Variants in MAPKAP1 observed in about 807,000 individuals in gnomAD.
The protein encoded by MAPKAP1 is target of rapamycin complex 2 subunit MAPKAP1.
A neutral mutation model predicts 65.7 loss-of-function variants in MAPKAP1; 20 were observed. That is an observed-to-expected ratio of 0.30 (90% CI 0.21 to 0.44). The LOEUF (loss-of-function observed/expected upper bound fraction) is 0.44, where lower values mean the gene tolerates loss of function less well. Ranked by LOEUF, MAPKAP1 falls within the 20% of genes least tolerant of loss-of-function variation. The pLI is 1.00. For missense variants in MAPKAP1, 423 were observed against 648.0 expected, an observed-to-expected ratio of 0.65 and a Z score of 3.77; for synonymous variants, 222 against 244.3, an observed-to-expected ratio of 0.91 and a Z score of 0.85.
intron 9 of MAPKAP1, among the ~76,000 whole-genome samples, chr9:125,474,936 T>G (rs77151365): frequency 0.013 from 1,927 of 152,072 alleles, 48 homozygotes; most frequent in African/African-American, 0.044. Context: ...CCCAAGGGAG[T>G]GCCACTGAAC....
At chr9:125,511,100 T>C (rs1299192062) in intron 7 of MAPKAP1, among the ~76,000 whole-genome samples, 1 of 152,208 alleles carries the variant, frequency 6.6e-6, no homozygotes. Context: ...CTAATAGTTG[T>C]AAGGCAGTTG....
At chr9:125,675,985 A>C (rs1435273206) in intron 1 of MAPKAP1, among the ~76,000 whole-genome samples, 1 of 152,222 alleles carries the variant, frequency 6.6e-6, no homozygotes, top group Non-Finnish European at 1.5e-5. Context: ...AAAATCTCCC[A>C]AAGAGCAGCA....
intron 4 of MAPKAP1, among the ~76,000 whole-genome samples, chr9:125,631,267 C>T (rs1189197230): frequency 2.0e-5 from 3 of 152,138 alleles, no homozygotes; most frequent in Admixed American, 1.3e-4. Context: ...GAATTGTGAA[C>T]CATAAAAACC....
chr9:125,643,056 C>T (rs1401958424), intron 4 of MAPKAP1, among the ~76,000 whole-genome samples: 9 of 151,966 alleles, frequency 5.9e-5, no homozygotes, highest in African/African-American at 1.5e-4. Context: ...CCTGCCACCA[C>T]GTCTGGCTAA....
intron 1 of MAPKAP1, among the ~76,000 whole-genome samples, chr9:125,681,209 T>C (rs972404281): frequency 1.2e-4 from 19 of 152,370 alleles, no homozygotes; most frequent in South Asian, 6.2e-4. Context: ...TCCTTGAATC[T>C]GGACTCACAC....
At chr9:125,693,836 T>TACAC (rs375290028) in intron 1 of MAPKAP1, among the ~76,000 whole-genome samples, 3,539 of 119,440 alleles carry the variant, frequency 0.03, 141 homozygotes, top group Middle Eastern at 0.069. Context: ...CACACATATA[T>TACAC]ATACACACAT....
chr9:125,549,637 T>C (rs749760063), intron 6 of MAPKAP1, among the ~76,000 whole-genome samples: 17 of 152,212 alleles, frequency 1.1e-4, no homozygotes, highest in Non-Finnish European at 2.4e-4. Context: ...TAATGGGCAG[T>C]GAGAAGCCAA....
intron 8 of MAPKAP1, among the ~76,000 whole-genome samples, chr9:125,492,793 A>AGATCAGTGGCCT (rs1425524759): frequency 2.0e-5 from 3 of 152,162 alleles, no homozygotes; most frequent in Admixed American, 2.0e-4. Flanking sequence ...CAACTCTAGA[A>AGATCAGTGGCCT]CTCAACTGGA....
chr9:125,531,982 T>C (rs1380676098), intron 7 of MAPKAP1, among the ~76,000 whole-genome samples: 4 of 152,188 alleles, frequency 2.6e-5, no homozygotes, highest in Non-Finnish European at 5.9e-5. Context: ...ATGTACACAC[T>C]TGGCAATTGC....
intron 2 of MAPKAP1, among the ~76,000 whole-genome samples, chr9:125,671,876 C>A (rs977011053): frequency 6.6e-6 from 1 of 152,140 alleles, no homozygotes; most frequent in African/African-American, 2.4e-5. Context: ...CCCACTCCCC[C>A]ACAATTCCTC....
In MAPKAP1 at chr9:125,707,199, C is replaced by T; in HGVS notation, c.-298G>A. 1 of 398,166 alleles carries T rather than the reference C, an allele frequency of 2.5e-6. No individual in the cohort carries two copies. The highest frequency in any genetic ancestry group is 3.6e-5 in the East Asian group (1 of 28,016). The allele number at this position is 398,166 out of a possible 1,614,324, so 24.7% of individuals were successfully genotyped here. ...GAGCAGCAGCCCTATTACCCCGAGC[C>T]GCACACGACCCGGAACCACACCCCG... is the stretch of plus-strand genomic sequence containing the variant. On this transcript the variant is annotated 5_prime_UTR_variant, in exon 1 of 12. Transcript: ENST00000265960.
At chr9:125,523,572 A>T (rs1829679230) in intron 7 of MAPKAP1, among the ~76,000 whole-genome samples, 1 of 152,246 alleles carries the variant, frequency 6.6e-6, no homozygotes, top group African/African-American at 2.4e-5. Flanking sequence ...TTTCTAGACC[A>T]AGTTTGATTT....
chr9:125,591,612 T>C (rs1465344474), intron 4 of MAPKAP1, among the ~76,000 whole-genome samples: 1 of 152,232 alleles, frequency 6.6e-6, no homozygotes, highest in Non-Finnish European at 1.5e-5. Context: ...TAATTCCATC[T>C]TGAGGAAATG....
intron 6 of MAPKAP1, among the ~76,000 whole-genome samples, chr9:125,558,374 C>A (rs116239567): frequency 6.6e-6 from 1 of 151,980 alleles, no homozygotes; most frequent in African/African-American, 2.4e-5. Flanking sequence ...TTATTTACAC[C>A]AAACTTGACC....
rs577097028 is a variant in MAPKAP1 at position 125,552,197 on chromosome 9, T to G, written c.848+7436A>C. On this transcript the variant is annotated intron_variant, in intron 6 of 11. Coordinates refer to ENST00000265960, the MANE Select transcript of MAPKAP1 (RefSeq NM_001006617.3). ...ATAGCTTAGGAATCCACTTGAAGATTTGTTAAAAGAGGCAGTTTCCATTAC... is the reference window on the plus strand; with the variant it reads ...ATAGCTTAGGAATCCACTTGAAGATGTGTTAAAAGAGGCAGTTTCCATTAC... Among the ~76,000 whole-genome samples, 4 of 152,306 alleles carry G rather than the reference T, an allele frequency of 2.6e-5. No individual in the cohort carries two copies. In the East Asian group the frequency reaches 7.7e-4, roughly 29 times the overall value.
rs757815990 is a variant in MAPKAP1 at position 125,467,940 on chromosome 9, G to C, written c.1345+32C>G. 4.4e-5 allele frequency: 70 copies of C among 1,604,594 alleles called. No homozygotes were observed. In the Middle Eastern group the frequency reaches 2.7e-3, roughly 61 times the overall value. ...CAGAAGAGAAGAGAGGGGAAAGAGAGAAAGGAGACATAAATAAAAGGGACT... is the reference window on the plus strand; with the variant it reads ...CAGAAGAGAAGAGAGGGGAAAGAGACAAAGGAGACATAAATAAAAGGGACT... On this transcript the variant is annotated intron_variant, in intron 10 of 11. Transcript: ENST00000265960.
At chr9:125,523,631 A>C (rs1373272448) in intron 7 of MAPKAP1, among the ~76,000 whole-genome samples, 3 of 152,256 alleles carry the variant, frequency 2.0e-5, no homozygotes, top group Non-Finnish European at 4.4e-5. Flanking sequence ...TAGAGAAAAA[A>C]GCTGTGTGAA....
At chr9:125,499,613 CG>C (rs1213076555) in intron 8 of MAPKAP1, among the ~76,000 whole-genome samples, 2 of 152,098 alleles carry the variant, frequency 1.3e-5, no homozygotes, top group Non-Finnish European at 2.9e-5. Context: ...TGTTCATGTT[CG>C]GAAGTAGAGT....
At chr9:125,620,102 A>T (rs1832853128) in intron 4 of MAPKAP1, among the ~76,000 whole-genome samples, 1 of 152,222 alleles carries the variant, frequency 6.6e-6, no homozygotes, top group African/African-American at 2.4e-5. Flanking sequence ...TGAGGTCAGG[A>T]GTTGGAGACC....
Sources: gnomAD v4.1 joint callset for allele counts (sites outside exome capture counted in the v4.1 genomes callset) on GRCh38, gnomAD v4.1.1 for gene constraint, MANE v1.5 for transcripts, NCBI Gene and HGNC (gene_info 2026-07-23, HGNC 2026-07-21) for gene names.